The following CLNK variants were observed in gnomAD, a reference collection of about 807,000 sequenced individuals.
CLNK encodes cytokine dependent hematopoietic cell linker.
A neutral mutation model predicts 68.6 loss-of-function variants in CLNK; 74 were observed. That is an observed-to-expected ratio of 1.08 (90% CI 0.89 to 1.31). The LOEUF (loss-of-function observed/expected upper bound fraction) is 1.31. CLNK is among the 50% of genes most tolerant of loss of function. The probability of loss-of-function intolerance (pLI) is 0.00; values close to 1 mark genes in which losing one functional copy is unlikely to be tolerated. For missense variants in CLNK, 553 were observed against 515.3 expected (o/e 1.07, Z -0.71); for synonymous variants, 198 against 172.2 (o/e 1.15, Z -1.17).
At chr4:10,499,630 C>T (rs979546127) in intron 18 of CLNK, among the ~76,000 whole-genome samples, 1 of 152,168 alleles carries the variant, frequency 6.6e-6, no homozygotes, top group African/African-American at 2.4e-5. Flanking sequence ...TGTGAAAGTT[C>T]TGGTTTTATC....
intron 2 of CLNK, among the ~76,000 whole-genome samples, chr4:10,611,456 C>G (rs1185966129): frequency 6.7e-6 from 1 of 148,700 alleles, no homozygotes; most frequent in Non-Finnish European, 1.5e-5. Flanking sequence ...TGAAATCATG[C>G]CACTGCACTC....
chr4:10,691,986 G>A, the CLNK span: 2 of 151,838 alleles, frequency 1.3e-5, no homozygotes, highest in Admixed American at 6.6e-5. Context: ...TTTTTTACAG[G>A]GACAGGACTT....
chr4:10,542,847 T>C (rs1424551352), intron 8 of CLNK, among the ~76,000 whole-genome samples: 2 of 151,172 alleles, frequency 1.3e-5, no homozygotes, highest in African/African-American at 2.4e-5. Flanking sequence ...AAGGACAAAC[T>C]AGGTGGGATA....
At chr4:10,520,045 T>TCC (rs1717995799) in intron 15 of CLNK, among the ~76,000 whole-genome samples, 4 of 144,508 alleles carry the variant, frequency 2.8e-5, no homozygotes, top group African/African-American at 5.0e-5. Context: ...AAGCCCCCTT[T>TCC]TTTTTTTTTG....
At chr4:10,552,743 C>T (rs1435353468) in intron 8 of CLNK, among the ~76,000 whole-genome samples, 2 of 152,168 alleles carry the variant, frequency 1.3e-5, no homozygotes, top group Non-Finnish European at 2.9e-5. Flanking sequence ...GTATGAACAT[C>T]TCCCACGTGG....
chr4:10,517,038 A>G (rs2109042874), intron 15 of CLNK, among the ~76,000 whole-genome samples: 1 of 152,356 alleles, frequency 6.6e-6, no homozygotes, highest in Middle Eastern at 3.4e-3. Flanking sequence ...CCTAGTTTTA[A>G]AATGTTATTT....
intron 3 of CLNK, among the ~76,000 whole-genome samples, chr4:10,587,655 C>T (rs1391540455): frequency 1.3e-5 from 2 of 152,178 alleles, no homozygotes; most frequent in Non-Finnish European, 2.9e-5. Context: ...CTTCTGTTCA[C>T]CATTTTAAAC....
intron 2 of CLNK, among the ~76,000 whole-genome samples, chr4:10,647,928 A>G (rs529019904): frequency 1.3e-5 from 2 of 152,264 alleles, no homozygotes; most frequent in South Asian, 4.2e-4. Flanking sequence ...CGGGATTTCC[A>G]GATTCTAGGT....
intron 3 of CLNK, among the ~76,000 whole-genome samples, chr4:10,586,498 A>G (rs889115126): frequency 1.3e-5 from 2 of 151,636 alleles, no homozygotes; most frequent in African/African-American, 4.8e-5. Context: ...TATTTTTAGT[A>G]GAGACGGGGT....
At chr4:10,587,766 C>T (rs948586395) in intron 3 of CLNK, among the ~76,000 whole-genome samples, 1 of 152,114 alleles carries the variant, frequency 6.6e-6, no homozygotes, top group Non-Finnish European at 1.5e-5. Flanking sequence ...ATCCACAGAG[C>T]CTCTAAGAGT....
At chr4:10,663,428 C>T (rs559728319) in intron 2 of CLNK, among the ~76,000 whole-genome samples, 2 of 152,278 alleles carry the variant, frequency 1.3e-5, no homozygotes, top group Admixed American at 1.3e-4. Context: ...GGCTAATGCT[C>T]TTTGAGGGCA....
At chr4:10,684,155 A>G (rs994627765) in intron 1 of CLNK, among the ~76,000 whole-genome samples, 2 of 152,164 alleles carry the variant, frequency 1.3e-5, no homozygotes, top group Admixed American at 1.3e-4. Context: ...TACTCTTGTG[A>G]GTGGAAGGAT....
At chr4:10,708,100 G>A in the CLNK span, among the ~76,000 whole-genome samples, 5 of 152,144 alleles carry the variant, frequency 3.3e-5, no homozygotes, top group South Asian at 2.1e-4. Flanking sequence ...GATTCCCAAT[G>A]ACAGGAGGAA....
At chr4:10,724,248 A>G in the CLNK span, among the ~76,000 whole-genome samples, 6 of 152,138 alleles carry the variant, frequency 3.9e-5, no homozygotes, top group South Asian at 1.0e-3. Flanking sequence ...TCTGCCCAGG[A>G]TGCTTTCTGC....
chr4:10,722,910 T>C, the CLNK span, among the ~76,000 whole-genome samples: 1 of 151,846 alleles, frequency 6.6e-6, no homozygotes, highest in Admixed American at 6.6e-5. Context: ...ATTAGGCAGG[T>C]GTGGTGGTGC....
At chr4:10,678,353 A>G (rs1480937359) in intron 1 of CLNK, among the ~76,000 whole-genome samples, 1 of 152,204 alleles carries the variant, frequency 6.6e-6, no homozygotes, top group Non-Finnish European at 1.5e-5. Flanking sequence ...CTATGCAAGA[A>G]TAGTTCCACA....
At chr4:10,538,268 TACAG>T (rs142515591) in intron 11 of CLNK, among the ~76,000 whole-genome samples, 1 of 152,278 alleles carries the variant, frequency 6.6e-6, no homozygotes, top group African/African-American at 2.4e-5. Context: ...TAGCTGGGAT[TACAG>T]ACATACTCCA....
At chr4:10,565,819 T>G (rs1334077564) in intron 6 of CLNK, among the ~76,000 whole-genome samples, 190 bp downstream of exon 6, 3 of 152,136 alleles carry the variant, frequency 2.0e-5, no homozygotes, top group African/African-American at 7.2e-5. Context: ...TCAACTTCTA[T>G]TATTATGAAC....
chr4:10,494,530 T>A (rs555444238), intron 18 of CLNK, among the ~76,000 whole-genome samples: 1 of 151,720 alleles, frequency 6.6e-6, no homozygotes, highest in East Asian at 1.9e-4. Flanking sequence ...CAATCTTGGC[T>A]CACTGCAACC....
Sources: gnomAD v4.1 joint callset for allele counts (sites outside exome capture counted in the v4.1 genomes callset) on GRCh38, gnomAD v4.1.1 for gene constraint, MANE v1.5 for transcripts, NCBI Gene and HGNC (gene_info 2026-07-23, HGNC 2026-07-21) for gene names.